Variants in SPICE1 observed in about 807,000 individuals in gnomAD.
SPICE1 encodes the protein spindle and centriole associated protein 1.
A neutral mutation model predicts 102.7 loss-of-function variants in SPICE1; 75 were observed. The ratio of observed to expected loss-of-function variants is 0.73; its 90% CI spans 0.61 to 0.88. SPICE1 has a LOEUF of 0.88. Among genes scored for constraint, SPICE1 ranks in the 40% least tolerant of loss-of-function variants. SPICE1 has a pLI of 0.00. For synonymous variants in SPICE1, 308 were observed against 350.3 expected, an observed-to-expected ratio of 0.88 and a Z score of 1.35; for missense variants, 979 against 1,020.1, an observed-to-expected ratio of 0.96 and a Z score of 0.55.
chr3:113,488,921 A>C, intron 7 of SPICE1, 24 bp downstream of exon 7: 1 of 1,426,724 alleles, frequency 7.0e-7, no homozygotes, highest in South Asian at 1.2e-5. Flanking sequence ...GAGAGTTGTA[A>C]ATATTTATGC....
chr3:113,506,998 C>T (rs1937125927), intron 1 of SPICE1, among the ~76,000 whole-genome samples: 1 of 152,056 alleles, frequency 6.6e-6, no homozygotes, highest in Non-Finnish European at 1.5e-5. Flanking sequence ...GAAGAAAGGG[C>T]AAAAGAGAGT....
intron 14 of SPICE1, among the ~76,000 whole-genome samples, chr3:113,452,060 A>T (rs1935665464): frequency 6.6e-6 from 1 of 152,144 alleles, no homozygotes; most frequent in Non-Finnish European, 1.5e-5. Context: ...GAAAGTGTCT[A>T]CCATCACTGG....
chr3:113,506,976 G>A (rs2107507996), intron 1 of SPICE1, among the ~76,000 whole-genome samples: 1 of 152,252 alleles, frequency 6.6e-6, no homozygotes, highest in South Asian at 2.1e-4. Context: ...CAATATGAAT[G>A]TAAGGTGAAG....
intron 6 of SPICE1, among the ~76,000 whole-genome samples, 184 bp downstream of exon 6, chr3:113,493,022 T>G (rs925431432): frequency 6.6e-6 from 1 of 152,248 alleles, no homozygotes; most frequent in African/African-American, 2.4e-5. Flanking sequence ...ATTTTAGCTA[T>G]TATTATCCAG....
At chr3:113,481,957 T>G (rs1020474363) in intron 7 of SPICE1, among the ~76,000 whole-genome samples, 4 of 152,186 alleles carry the variant, frequency 2.6e-5, no homozygotes, top group African/African-American at 9.7e-5. Context: ...TCAAATGGTA[T>G]TTCTAGTTCT....
chr3:113,459,711 G>A (rs916196687), intron 12 of SPICE1: 25 of 735,694 alleles, frequency 3.4e-5, no homozygotes, highest in South Asian at 1.2e-4. Flanking sequence ...GTGAAACCCC[G>A]TCTCTACTAA....
chr3:113,463,742 T>C (rs545849583), intron 11 of SPICE1, among the ~76,000 whole-genome samples: 1 of 152,342 alleles, frequency 6.6e-6, no homozygotes, highest in Admixed American at 6.5e-5. Context: ...TGCCAGGAGC[T>C]GGCAAGAAGA....
chr3:113,491,725 T>A (rs1437557897), intron 6 of SPICE1, among the ~76,000 whole-genome samples: 1 of 150,686 alleles, frequency 6.6e-6, no homozygotes. Context: ...ATCCTCTCTC[T>A]CCTCCCTCAC....
At chr3:113,453,328 G>T in intron 14 of SPICE1, 138 bp downstream of exon 14, 2 of 951,282 alleles carry the variant, frequency 2.1e-6, no homozygotes, top group Non-Finnish European at 3.1e-6. Context: ...CTATTGTATT[G>T]AGGACATGCC....
chr3:113,489,172 C>A (rs998948075), intron 6 of SPICE1, 109 bp from the exon 7 acceptor site: 4 of 644,806 alleles, frequency 6.2e-6, no homozygotes, highest in African/African-American at 1.8e-5. Context: ...CTAAGCCCTC[C>A]ACATGTTGTA....
At chr3:113,478,004 C>G (rs1032446307) in intron 7 of SPICE1, among the ~76,000 whole-genome samples, 6 of 149,470 alleles carry the variant, frequency 4.0e-5, no homozygotes, top group African/African-American at 1.2e-4. Context: ...ACTGACATAC[C>G]TGACAATGAC....
intron 6 of SPICE1, among the ~76,000 whole-genome samples, chr3:113,492,122 T>C (rs1315296325): frequency 6.6e-6 from 1 of 152,244 alleles, no homozygotes; most frequent in Non-Finnish European, 1.5e-5. Flanking sequence ...AATTTCCAGC[T>C]ATCTGAAAGC....
At position 113,444,311 on chromosome 3, in the gene SPICE1, C is replaced by G. The variant is rs2107435179; in HGVS notation, c.*996G>C. Reference sequence around the variant, plus strand: ...GGTCAGGAGTTCGAGATCAGCCTGGCCAACATGGTGAAACCCCGTCTCTAC... The same window carrying G: ...GGTCAGGAGTTCGAGATCAGCCTGGGCAACATGGTGAAACCCCGTCTCTAC... On this transcript the variant is annotated 3_prime_UTR_variant, in exon 18 of 18. Transcript: ENST00000295872. 1 of 151,900 alleles carries G rather than the reference C, an allele frequency of 6.6e-6. No homozygotes were observed. The allele number at this position is 151,900 out of a possible 1,614,324, so 9.4% of individuals were successfully genotyped here.
chr3:113,470,859 T>C (rs1936177919), intron 7 of SPICE1, among the ~76,000 whole-genome samples: 1 of 152,230 alleles, frequency 6.6e-6, no homozygotes, highest in Non-Finnish European at 1.5e-5. Context: ...TTCTTTGATT[T>C]TCCCTCGTAA....
At chr3:113,462,902 T>G (rs539157422) in intron 11 of SPICE1, among the ~76,000 whole-genome samples, 3 of 152,166 alleles carry the variant, frequency 2.0e-5, no homozygotes, top group Non-Finnish European at 1.5e-5. Context: ...TTAACCATCA[T>G]GCAAGGCGCT....
chr3:113,513,793 T>C (rs909628147), intron 1 of SPICE1, among the ~76,000 whole-genome samples: 7 of 152,226 alleles, frequency 4.6e-5, no homozygotes, highest in Non-Finnish European at 1.0e-4. Flanking sequence ...CTTCACTCAC[T>C]GACTTCATCA....
At chr3:113,476,386 T>C (rs1440665282) in intron 7 of SPICE1, among the ~76,000 whole-genome samples, 2 of 151,072 alleles carry the variant, frequency 1.3e-5, no homozygotes, top group African/African-American at 4.9e-5. Context: ...TTCAATGCCA[T>C]CCCCATCAAG....
intron 12 of SPICE1, among the ~76,000 whole-genome samples, chr3:113,458,203 CCTCTCCCGTCTCCCTCTCCCGTCTCCCT>C (rs1935827408): frequency 6.7e-6 from 1 of 148,786 alleles, no homozygotes; most frequent in Non-Finnish European, 1.5e-5. Flanking sequence ...CTCCCGTCTC[CCTCTCCCGTCTCCCTCTCCCGTCTCCCT>C]CTCCTCTTTG....
intron 4 of SPICE1, among the ~76,000 whole-genome samples, chr3:113,496,489 G>C (rs1224645472): frequency 6.6e-6 from 1 of 152,172 alleles, no homozygotes; most frequent in Non-Finnish European, 1.5e-5. Context: ...ACATGAGGTA[G>C]AATTGGGAAA....
Sources: gnomAD v4.1 joint callset for allele counts (sites outside exome capture counted in the v4.1 genomes callset) on GRCh38, gnomAD v4.1.1 for gene constraint, MANE v1.5 for transcripts, NCBI Gene and HGNC (gene_info 2026-07-23, HGNC 2026-07-21) for gene names.